Variants in KCNN2 observed in about 807,000 individuals in gnomAD.
KCNN2 encodes small conductance calcium-activated potassium channel protein 2.
A neutral mutation model predicts 55.5 loss-of-function variants in KCNN2; 24 were observed. The ratio of observed to expected loss-of-function variants is 0.43; its 90% CI spans 0.31 to 0.61. The LOEUF is 0.61. Among genes scored for constraint, KCNN2 ranks in the 20% least tolerant of loss-of-function variants. The pLI is 0.08. For synonymous variants in KCNN2, 431 were observed against 336.1 expected (o/e 1.28, Z -3.09); for missense variants, 754 against 853.6 (o/e 0.88, Z 1.45).
chr5:114,081,300 T>G (rs540258350), intron 1 of KCNN2, among the ~76,000 whole-genome samples: 10 of 152,026 alleles, frequency 6.6e-5, no homozygotes, highest in Non-Finnish European at 1.2e-4. Flanking sequence ...ATCCTAAAAT[T>G]TATATGGAAT....
At chr5:114,321,265 C>G (rs1249257553) in intron 2 of KCNN2, among the ~76,000 whole-genome samples, 1 of 152,036 alleles carries the variant, frequency 6.6e-6, no homozygotes, top group Non-Finnish European at 1.5e-5. Context: ...AATTTTTCAC[C>G]TTAATCTTCT....
chr5:114,079,026 G>A (rs759632784), intron 1 of KCNN2, among the ~76,000 whole-genome samples: 1 of 152,092 alleles, frequency 6.6e-6, no homozygotes, highest in Non-Finnish European at 1.5e-5. Flanking sequence ...GTTAGGACTT[G>A]CTTTTAATGA....
intron 1 of KCNN2, among the ~76,000 whole-genome samples, chr5:114,085,996 T>C (rs1751008880): frequency 1.3e-5 from 2 of 152,190 alleles, no homozygotes; most frequent in African/African-American, 2.4e-5. Flanking sequence ...TTATCCCTGC[T>C]AATATGGTTA....
intron 2 of KCNN2, among the ~76,000 whole-genome samples, chr5:114,310,514 T>A (rs1756373813): frequency 6.6e-6 from 1 of 152,194 alleles, no homozygotes; most frequent in Admixed American, 6.5e-5. Context: ...GTAGAATGTG[T>A]CATTTTCTTA....
intron 2 of KCNN2, among the ~76,000 whole-genome samples, chr5:114,346,357 C>G (rs1327332654): frequency 6.6e-6 from 1 of 152,102 alleles, no homozygotes. Flanking sequence ...TCAACATGTA[C>G]TATAAGGTTA....
intron 1 of KCNN2, among the ~76,000 whole-genome samples, chr5:114,065,637 C>T (rs1360149398): frequency 6.6e-6 from 1 of 152,074 alleles, no homozygotes; most frequent in Non-Finnish European, 1.5e-5. Context: ...CCAAACTAAA[C>T]ACTTTCTGTG....
rs567583525 is a variant in KCNN2 at position 114,335,044 on chromosome 5, C to T, written c.-184-25901C>T. Reference sequence around the variant, plus strand: ...GTTCACGCCATTCTCCTGCCTCAGCCTCCCGAGTAGCTGGGACTACAGGCG... The same window carrying T: ...GTTCACGCCATTCTCCTGCCTCAGCTTCCCGAGTAGCTGGGACTACAGGCG... On this transcript the variant is annotated intron_variant, in intron 2 of 10. Transcript: ENST00000512097. Among the ~76,000 whole-genome samples the T allele has an allele frequency of 1.1e-4, 16 of 152,278 alleles. 1 individual carries two copies. The East Asian group carries it at 3.1e-3, about 30-fold the overall frequency.
intron 1 of KCNN2, among the ~76,000 whole-genome samples, chr5:114,067,817 T>C (rs1031642987): frequency 6.6e-6 from 1 of 152,224 alleles, no homozygotes; most frequent in Non-Finnish European, 1.5e-5. Context: ...ACTCTCTATA[T>C]TGTTAGCCTT....
intron 2 of KCNN2, among the ~76,000 whole-genome samples, chr5:114,233,174 C>T (rs985246877): frequency 3.3e-5 from 5 of 151,376 alleles, no homozygotes. Flanking sequence ...CCCGCCTCGG[C>T]CTCCCAAAGT....
chr5:114,487,780 G>C (rs558870563), intron 6 of KCNN2, among the ~76,000 whole-genome samples: 6 of 152,226 alleles, frequency 3.9e-5, no homozygotes, highest in African/African-American at 1.2e-4. Context: ...TGAAAGCACA[G>C]GATCTTTCTC....
At chr5:114,476,994 T>TAA (rs1761995708) in intron 5 of KCNN2, among the ~76,000 whole-genome samples, 2 of 64,820 alleles carry the variant, frequency 3.1e-5, no homozygotes, top group Admixed American at 1.7e-4. Context: ...AACTTTAAAC[T>TAA]TTTAAAATAA....
At chr5:114,087,005 G>T (rs1470717234) in intron 1 of KCNN2, among the ~76,000 whole-genome samples, 3 of 151,514 alleles carry the variant, frequency 2.0e-5, no homozygotes, top group Non-Finnish European at 4.4e-5. Context: ...ATCTCATCGT[G>T]GTTCTGTTTT....
At chr5:114,258,806 T>G (rs1580668316) in intron 2 of KCNN2, among the ~76,000 whole-genome samples, 1 of 152,178 alleles carries the variant, frequency 6.6e-6, no homozygotes, top group African/African-American at 2.4e-5. Context: ...AAATTTCCCC[T>G]GTGCAGAACC....
At chr5:114,372,022 T>A (rs1757771855) in intron 2 of KCNN2, among the ~76,000 whole-genome samples, 1 of 152,200 alleles carries the variant, frequency 6.6e-6, no homozygotes, top group Admixed American at 6.5e-5. Context: ...GCATCTTGAT[T>A]TCAGACCAGC....
chr5:114,413,461 T>G (rs1759198030), intron 3 of KCNN2, among the ~76,000 whole-genome samples: 1 of 152,148 alleles, frequency 6.6e-6, no homozygotes, highest in Non-Finnish European at 1.5e-5. Flanking sequence ...ATTTTTTATG[T>G]ATTTTTAGTA....
intron 4 of KCNN2, among the ~76,000 whole-genome samples, chr5:114,470,099 C>T (rs753699222): frequency 5.3e-5 from 8 of 152,082 alleles, no homozygotes; most frequent in African/African-American, 4.8e-5. Context: ...AGATGACACC[C>T]GGTGAGAAAT....
At position 114,140,630 on chromosome 5, in the gene KCNN2, G is replaced by C. The variant is rs142009927; in HGVS notation, c.-270-80850G>C. On this transcript the variant is annotated intron_variant, in intron 1 of 10. Transcript: ENST00000512097. ...AAATCAAATTCTGTAAATTGATATT[G>C]ATTTATGAGCATTTTAGAATTAGGA... Among the ~76,000 whole-genome samples the C allele has an allele frequency of 1.5e-3, 222 of 151,880 alleles. 1 individual carries two copies. The highest frequency in any genetic ancestry group is 2.4e-3 in the Admixed American group (36 of 15,230).
intron 7 of KCNN2, among the ~76,000 whole-genome samples, chr5:114,494,034 G>A (rs1383660463): frequency 6.6e-6 from 1 of 151,956 alleles, no homozygotes; most frequent in African/African-American, 2.4e-5. Flanking sequence ...TACATTAACA[G>A]TCTCCAAATT....
At chr5:114,494,449 A>G (rs1412711901) in intron 7 of KCNN2, among the ~76,000 whole-genome samples, 1 of 151,294 alleles carries the variant, frequency 6.6e-6, no homozygotes, top group Non-Finnish European at 1.5e-5. Context: ...GAGAGCATAT[A>G]TCATGCATAT....
Sources: gnomAD v4.1 joint callset for allele counts (sites outside exome capture counted in the v4.1 genomes callset) on GRCh38, gnomAD v4.1.1 for gene constraint, MANE v1.5 for transcripts, NCBI Gene and HGNC (gene_info 2026-07-23, HGNC 2026-07-21) for gene names.